The following CNTN5 variants were observed in gnomAD, a reference collection of about 807,000 sequenced individuals.
CNTN5 encodes the protein contactin-5.
Under a neutral mutation model 129.1 loss-of-function variants are expected in CNTN5, and 77 were observed. The ratio of observed to expected loss-of-function variants is 0.60; its 90% CI spans 0.50 to 0.72. The LOEUF is 0.72. Among genes scored for constraint, CNTN5 ranks in the 30% least tolerant of loss-of-function variants. CNTN5 has a pLI of 0.00. For synonymous variants in CNTN5, 509 were observed against 465.6 expected, an observed-to-expected ratio of 1.09 and a Z score of -1.20; for missense variants, 1,478 against 1,328.8, an observed-to-expected ratio of 1.11 and a Z score of -1.75.
At chr11:99,670,669 C>A (rs553639502) in intron 3 of CNTN5, among the ~76,000 whole-genome samples, 50 of 152,206 alleles carry the variant, frequency 3.3e-4, no homozygotes, top group African/African-American at 1.2e-3. Context: ...AGAGGAGATC[C>A]CACAAATGTA....
chr11:99,169,156 A>G (rs1861028789), intron 1 of CNTN5, among the ~76,000 whole-genome samples: 1 of 152,196 alleles, frequency 6.6e-6, no homozygotes, highest in South Asian at 2.1e-4. Flanking sequence ...ATACTAGAAC[A>G]CAGATACATG....
intron 2 of CNTN5, among the ~76,000 whole-genome samples, chr11:99,340,505 TTATAAAGAC>T (rs1458741116): frequency 1.3e-5 from 2 of 152,144 alleles, no homozygotes; most frequent in Non-Finnish European, 2.9e-5. Context: ...GTGATGTAGA[TTATAAAGAC>T]TTAAGGAGGA....
intron 18 of CNTN5, among the ~76,000 whole-genome samples, chr11:100,285,517 C>G (rs1053435408): frequency 6.6e-6 from 1 of 152,176 alleles, no homozygotes; most frequent in Non-Finnish European, 1.5e-5. Flanking sequence ...CTAATTAGTA[C>G]TATTTCTCAA....
intron 13 of CNTN5, among the ~76,000 whole-genome samples, chr11:100,092,434 G>T (rs1944824512): frequency 1.3e-5 from 2 of 152,106 alleles, no homozygotes; most frequent in African/African-American, 4.8e-5. Context: ...TTTTCGTGGT[G>T]AATGTGTCTC....
At chr11:99,413,251 C>A (rs1400797168) in intron 2 of CNTN5, among the ~76,000 whole-genome samples, 3 of 152,144 alleles carry the variant, frequency 2.0e-5, no homozygotes, top group Non-Finnish European at 4.4e-5. Context: ...GCAATAAACA[C>A]AAAAGCAAGG....
intron 13 of CNTN5, among the ~76,000 whole-genome samples, chr11:100,144,299 G>T (rs1299405344): frequency 1.3e-5 from 2 of 151,818 alleles, no homozygotes; most frequent in African/African-American, 4.8e-5. Context: ...TGGGGTTTCG[G>T]CTTCTATTGA....
At chr11:100,226,341 C>T (rs1949376988) in intron 16 of CNTN5, among the ~76,000 whole-genome samples, 1 of 152,050 alleles carries the variant, frequency 6.6e-6, no homozygotes, top group Non-Finnish European at 1.5e-5. Flanking sequence ...CTTTCCAAAT[C>T]AATATCACAA....
Position 100,340,498 on chromosome 11 carries a change from A to G in CNTN5, c.2766A>G (p.Thr922=). The G allele has an allele frequency of 6.2e-7, 1 of 1,613,030 alleles. No individual in the cohort carries two copies. The highest frequency in any genetic ancestry group is 8.5e-7 in the Non-Finnish European group (1 of 1,179,404). ...GGAAAGACATGGAACAGGAAGATAC[A>G]GCAGAAACAGTCAAAACTAGAGGGA... ...GYWKDMEQED[T]AETVKTRGNE... is the part of the protein sequence containing the mutation. Residue 922 remains threonine, a synonymous_variant, in exon 22 of 25, where the codon ACA becomes ACG. Coordinates refer to ENST00000524871, the MANE Select transcript of CNTN5 (RefSeq NM_014361.4).
intron 2 of CNTN5, among the ~76,000 whole-genome samples, chr11:99,524,481 C>A (rs10893458): frequency 0.28 from 41,819 of 151,710 alleles, 6,130 homozygotes; most frequent in East Asian, 0.42. Flanking sequence ...ATTTGTACAG[C>A]GAAATCATGA....
intron 15 of CNTN5, among the ~76,000 whole-genome samples, chr11:100,223,233 C>A (rs1376953103): frequency 6.6e-6 from 1 of 152,030 alleles, no homozygotes; most frequent in Non-Finnish European, 1.5e-5. Flanking sequence ...CTAAACCAGA[C>A]CATGTCTTAA....
At chr11:99,111,280 A>G (rs1297870975) in intron 1 of CNTN5, among the ~76,000 whole-genome samples, 1 of 151,778 alleles carries the variant, frequency 6.6e-6, no homozygotes, top group Non-Finnish European at 1.5e-5. Flanking sequence ...TTTGTCTATA[A>G]GTGGTGTGTG....
chr11:99,789,093 A>G (rs1945644209), intron 3 of CNTN5, among the ~76,000 whole-genome samples: 1 of 151,954 alleles, frequency 6.6e-6, no homozygotes, highest in South Asian at 2.1e-4. Flanking sequence ...AAAAATTATA[A>G]GAAATAGTCC....
chr11:99,340,450 C>T (rs1866460350), intron 2 of CNTN5, among the ~76,000 whole-genome samples: 1 of 151,922 alleles, frequency 6.6e-6, no homozygotes, highest in South Asian at 2.1e-4. Context: ...AAAAAAAAGC[C>T]TGAGAAGGAG....
chr11:99,812,639 A>G (rs1457464008), intron 3 of CNTN5, among the ~76,000 whole-genome samples: 1 of 152,146 alleles, frequency 6.6e-6, no homozygotes, highest in African/African-American at 2.4e-5. Context: ...TCAAAGGCAC[A>G]GAGATATTAC....
In CNTN5 at chr11:100,331,091, C is replaced by A. The variant is rs1177326918; in HGVS notation, c.2731-9372C>A. ...GTTTCTGCTGTCCTCAGGAGACTTG[C>A]CTAACACATGAGGACTCATATAAAC... On this transcript the variant is annotated intron_variant, in intron 21 of 24. Coordinates refer to ENST00000524871, the MANE Select transcript of CNTN5 (RefSeq NM_014361.4). 2.0e-5 allele frequency among the ~76,000 whole-genome samples: 3 copies of A among 151,942 alleles called. No individual in the cohort carries two copies. In the East Asian group the frequency reaches 5.8e-4, roughly 29 times the overall value.
chr11:99,485,475 A>G (rs555498074), intron 2 of CNTN5, among the ~76,000 whole-genome samples: 144 of 152,220 alleles, frequency 9.5e-4, no homozygotes, highest in Non-Finnish European at 1.6e-3. Flanking sequence ...CAATTGTAAC[A>G]TATGTACCAT....
At chr11:100,100,829 T>C (rs1375965278) in intron 13 of CNTN5, among the ~76,000 whole-genome samples, 1 of 152,096 alleles carries the variant, frequency 6.6e-6, no homozygotes, top group Non-Finnish European at 1.5e-5. Context: ...AGCAATCAGC[T>C]TGCTAAATTT....
intron 17 of CNTN5, among the ~76,000 whole-genome samples, chr11:100,268,253 G>T (rs1327681724): frequency 6.6e-6 from 1 of 152,176 alleles, no homozygotes; most frequent in Non-Finnish European, 1.5e-5. Flanking sequence ...ATATAAGTAT[G>T]GTGTTTAAGT....
At chr11:99,728,422 CAA>C (rs1166252081) in intron 3 of CNTN5, among the ~76,000 whole-genome samples, 2 of 151,972 alleles carry the variant, frequency 1.3e-5, no homozygotes, top group African/African-American at 4.8e-5. Context: ...GTAACAAAGA[CAA>C]GAGTAGCTCT....
Sources: gnomAD v4.1 joint callset for allele counts (sites outside exome capture counted in the v4.1 genomes callset) on GRCh38, gnomAD v4.1.1 for gene constraint, MANE v1.5 for transcripts, NCBI Gene and HGNC (gene_info 2026-07-23, HGNC 2026-07-21) for gene names.